The following ARHGAP32 variants were observed in gnomAD, a reference collection of about 807,000 sequenced individuals.
The protein encoded by ARHGAP32 is Rho GTPase activating protein 32.
ARHGAP32 carries 51 observed loss-of-function variants against 186.5 expected under a neutral mutation model. That is an observed-to-expected ratio of 0.27 (90% CI 0.22 to 0.35). The LOEUF (loss-of-function observed/expected upper bound fraction) is 0.35, where lower values mean the gene tolerates loss of function less well. ARHGAP32 is among the 10% of genes least tolerant of loss of function. The pLI, the probability that ARHGAP32 is intolerant of heterozygous loss-of-function variation, is 1.00. For synonymous variants in ARHGAP32, 950 were observed against 964.3 expected (o/e 0.99, Z 0.27); for missense variants, 2,186 against 2,623.5 (o/e 0.83, Z 3.64).
rs372481475 is a variant in ARHGAP32 at position 129,246,915 on chromosome 11, A to G, written c.-5+32231T>C. ...CTTTTAAGAGAAGATGTGTATCATA[A>G]TATCAGTGTTTCAGTTTGGAACCTG... On this transcript the variant is annotated intron_variant, in intron 1 of 6. Transcript: ENST00000525234. 1.2e-4 allele frequency among the ~76,000 whole-genome samples: 18 copies of G among 152,298 alleles called. No individual in the cohort carries two copies. In the East Asian group the frequency reaches 1.7e-3, roughly 15 times the overall value.
chr11:129,131,456 C>T (rs917926558), intron 2 of ARHGAP32, among the ~76,000 whole-genome samples: 2 of 152,100 alleles, frequency 1.3e-5, no homozygotes, highest in African/African-American at 4.8e-5. Flanking sequence ...GTCTTTCACA[C>T]TCATTTTATA....
intron 1 of ARHGAP32, among the ~76,000 whole-genome samples, chr11:129,265,263 A>C: frequency 6.6e-6 from 1 of 152,134 alleles, no homozygotes; most frequent in East Asian, 1.9e-4. Context: ...ACACAAACGC[A>C]CTCAAAGTAA....
In ARHGAP32 at chr11:129,152,895, G is replaced by A. The variant is rs1939328; in HGVS notation, c.225+11424C>T. On this transcript the variant is annotated intron_variant, in intron 2 of 22. Transcript: ENST00000682385. ...CTACAAGTCCTGGCCGGAACAATCA[G>A]ACAAGATAATGAAATAAAGGTGTCC... 1.4e-4 allele frequency among the ~76,000 whole-genome samples: 21 copies of A among 152,120 alleles called. No homozygotes were observed. The East Asian group carries it at 4.1e-3, about 29-fold the overall frequency.
At chr11:129,013,578 A>T (rs1360500034) in intron 11 of ARHGAP32, among the ~76,000 whole-genome samples, 1 of 152,218 alleles carries the variant, frequency 6.6e-6, no homozygotes, top group Non-Finnish European at 1.5e-5. Flanking sequence ...TGGCATACAT[A>T]ATTAAATAAT....
chr11:128,984,832 A>G (rs550507191), intron 15 of ARHGAP32, among the ~76,000 whole-genome samples: 1 of 152,290 alleles, frequency 6.6e-6, no homozygotes, highest in South Asian at 2.1e-4. Context: ...TATGCAGTGT[A>G]TATTATTGAA....
At chr11:129,052,283 A>G (rs1385791085) in intron 10 of ARHGAP32, among the ~76,000 whole-genome samples, 2 of 152,148 alleles carry the variant, frequency 1.3e-5, no homozygotes, top group African/African-American at 4.8e-5. Flanking sequence ...TCTTTCCACC[A>G]ATACCACACT....
intron 1 of ARHGAP32, among the ~76,000 whole-genome samples, chr11:129,174,052 G>T (rs1167093649): frequency 6.6e-6 from 1 of 152,226 alleles, no homozygotes; most frequent in African/African-American, 2.4e-5. Context: ...ACTAGGGAGT[G>T]CCAGACAGTG....
intron 1 of ARHGAP32, among the ~76,000 whole-genome samples, chr11:129,221,512 T>C (rs1195436082): frequency 6.9e-6 from 1 of 145,214 alleles, no homozygotes; most frequent in African/African-American, 2.5e-5. Flanking sequence ...TGTGTGTGTG[T>C]GTGTGTGTGT....
chr11:129,249,419 ACTCTGCAC>A (rs1440851600), intron 1 of ARHGAP32, among the ~76,000 whole-genome samples: 1 of 152,186 alleles, frequency 6.6e-6, no homozygotes, highest in Non-Finnish European at 1.5e-5. Flanking sequence ...TATAAAAAGT[ACTCTGCAC>A]TGGTATTAAT....
At chr11:129,279,610 G>T (rs961243170), upstream of ARHGAP32, among the ~76,000 whole-genome samples, 255 of 145,598 alleles carry the variant, frequency 1.8e-3, 3 homozygotes, top group Non-Finnish European at 2.2e-3. Flanking sequence ...CTGCACCCGC[G>T]ACGCCCGCAG....
At chr11:129,212,431 A>G (rs1944593338) in intron 1 of ARHGAP32, among the ~76,000 whole-genome samples, 4 of 152,282 alleles carry the variant, frequency 2.6e-5, no homozygotes, top group Non-Finnish European at 1.5e-5. Flanking sequence ...AGCTCTGTCA[A>G]TCTGAAAGAT....
chr11:128,997,236 T>C (rs1454616338), intron 12 of ARHGAP32, among the ~76,000 whole-genome samples: 1 of 152,172 alleles, frequency 6.6e-6, no homozygotes, highest in Non-Finnish European at 1.5e-5. Flanking sequence ...TTTTTGTTTT[T>C]GTTTTTTTAG....
At chr11:129,054,191 A>G (rs1048663361) in intron 10 of ARHGAP32, among the ~76,000 whole-genome samples, 24 of 151,492 alleles carry the variant, frequency 1.6e-4, no homozygotes, top group Admixed American at 6.5e-4. Flanking sequence ...GAAAACCAAG[A>G]GAACATGGGG....
At chr11:129,002,763 CTATA>C in intron 11 of ARHGAP32, among the ~76,000 whole-genome samples, 1 of 145,014 alleles carries the variant, frequency 6.9e-6, no homozygotes, top group East Asian at 2.0e-4. Context: ...CATGTTCCTT[CTATA>C]TATATTTTTT....
At chr11:129,201,016 T>C (rs1439989728) in intron 1 of ARHGAP32, among the ~76,000 whole-genome samples, 1 of 152,190 alleles carries the variant, frequency 6.6e-6, no homozygotes, top group African/African-American at 2.4e-5. Context: ...ATCTGAATTA[T>C]TTCCATGAAT....
chr11:129,198,832 G>A (rs372855221), intron 1 of ARHGAP32, among the ~76,000 whole-genome samples: 24 of 152,318 alleles, frequency 1.6e-4, no homozygotes, highest in African/African-American at 5.5e-4. Flanking sequence ...AAACAGTTTG[G>A]AGGACTCAGA....
chr11:129,039,144 A>G (rs1939487594), intron 11 of ARHGAP32, among the ~76,000 whole-genome samples: 3 of 152,208 alleles, frequency 2.0e-5, no homozygotes, highest in Admixed American at 6.5e-5. Context: ...CTGCTGGTGG[A>G]ACTGCAAAAT....
chr11:129,036,947 C>T (rs1939366792), intron 11 of ARHGAP32, among the ~76,000 whole-genome samples: 1 of 152,146 alleles, frequency 6.6e-6, no homozygotes, highest in Admixed American at 6.5e-5. Context: ...ATACCATAAT[C>T]TTGTATATAG....
At chr11:129,206,568 TGATATTTTGGTAAATAA>T (rs748078021) in intron 1 of ARHGAP32, among the ~76,000 whole-genome samples, 1 of 152,104 alleles carries the variant, frequency 6.6e-6, no homozygotes, top group Non-Finnish European at 1.5e-5. Context: ...AGTCCACACA[TGATATTTTGGTAAATAA>T]GTCTCTTAAG....
Sources: allele counts gnomAD v4.1 joint callset (sites outside exome capture counted in the v4.1 genomes callset), GRCh38; gene constraint gnomAD v4.1.1; transcripts MANE v1.5; gene names NCBI Gene and HGNC (gene_info 2026-07-23, HGNC 2026-07-21).